The following ELMO1 variants were observed in gnomAD, a reference collection of about 807,000 sequenced individuals.
ELMO1 encodes engulfment and cell motility 1.
Under a neutral mutation model 98.9 loss-of-function variants are expected in ELMO1, and 26 were observed. The observed-to-expected ratio is 0.26, with a 90% confidence interval of 0.19 to 0.36. The LOEUF (loss-of-function observed/expected upper bound fraction) is 0.36, where lower values mean the gene tolerates loss of function less well. Ranked by LOEUF, ELMO1 falls within the 10% of genes least tolerant of loss-of-function variation. ELMO1 has a pLI of 1.00. For missense variants in ELMO1, 627 were observed against 935.2 expected, an observed-to-expected ratio of 0.67 and a Z score of 4.30; for synonymous variants, 346 against 346.0, an observed-to-expected ratio of 1.00 and a Z score of 0.00.
chr7:37,346,156 G>C (rs1372505714), intron 1 of ELMO1, among the ~76,000 whole-genome samples: 1 of 152,148 alleles, frequency 6.6e-6, no homozygotes, highest in Non-Finnish European at 1.5e-5. Context: ...GTAAGTGCAA[G>C]AACAGTAAGT....
chr7:37,292,439 T>C (rs1583472400), intron 4 of ELMO1, among the ~76,000 whole-genome samples: 1 of 49,758 alleles, frequency 2.0e-5, no homozygotes, highest in Non-Finnish European at 6.6e-5. Flanking sequence ...CCCCTCTGCC[T>C]GGCTGCCCAG....
intron 5 of ELMO1, among the ~76,000 whole-genome samples, chr7:37,264,335 A>G (rs1796139397): frequency 6.6e-6 from 1 of 152,244 alleles, no homozygotes; most frequent in Non-Finnish European, 1.5e-5. Context: ...ATGAATATAT[A>G]TACATTCATG....
At chr7:37,201,614 C>T (rs1792299597) in intron 13 of ELMO1, among the ~76,000 whole-genome samples, 1 of 152,182 alleles carries the variant, frequency 6.6e-6, no homozygotes, top group African/African-American at 2.4e-5. Context: ...TCTAAGGAGA[C>T]CCCAAGAACC....
At chr7:36,960,582 G>T (rs1053515016) in intron 16 of ELMO1, among the ~76,000 whole-genome samples, 1 of 151,948 alleles carries the variant, frequency 6.6e-6, no homozygotes, top group Non-Finnish European at 1.5e-5. Context: ...AAGCATGACT[G>T]AAGAAGCAGC....
intron 15 of ELMO1, among the ~76,000 whole-genome samples, chr7:37,023,431 T>A (rs183629183): frequency 1.3e-5 from 2 of 152,284 alleles, no homozygotes; most frequent in Admixed American, 1.3e-4. Context: ...AAATAGGGAT[T>A]GACATTTTAT....
At chr7:36,867,503 T>C (rs1803124748) in intron 20 of ELMO1, among the ~76,000 whole-genome samples, 1 of 152,154 alleles carries the variant, frequency 6.6e-6, no homozygotes, top group African/African-American at 2.4e-5. Flanking sequence ...CTGATTTCAG[T>C]TTCATTGATT....
chr7:37,334,445 T>A (rs150250919), intron 2 of ELMO1, among the ~76,000 whole-genome samples: 1,692 of 152,166 alleles, frequency 0.011, 36 homozygotes, highest in African/African-American at 0.038. Context: ...AAACTCCATC[T>A]CAACAACAAG....
intron 15 of ELMO1, among the ~76,000 whole-genome samples, chr7:37,084,819 T>G (rs1241476193): frequency 6.6e-6 from 1 of 151,826 alleles, no homozygotes; most frequent in Non-Finnish European, 1.5e-5. Context: ...TGCAGTGGCA[T>G]GATGTTGGCT....
At chr7:36,955,920 C>T (rs1168311994) in intron 16 of ELMO1, among the ~76,000 whole-genome samples, 2 of 152,166 alleles carry the variant, frequency 1.3e-5, no homozygotes, top group Non-Finnish European at 2.9e-5. Flanking sequence ...AAACTGTTCT[C>T]ACTTCTCTTT....
intron 15 of ELMO1, among the ~76,000 whole-genome samples, chr7:37,054,130 T>A (rs188567412): frequency 9.8e-5 from 15 of 152,354 alleles, no homozygotes; most frequent in African/African-American, 3.6e-4. Context: ...CAAGATACAC[T>A]ATATTTAGGA....
intron 4 of ELMO1, among the ~76,000 whole-genome samples, chr7:37,290,126 C>T (rs1031620517): frequency 2.0e-5 from 3 of 152,198 alleles, no homozygotes; most frequent in Admixed American, 6.5e-5. Context: ...GACTTACTCT[C>T]TGCCATGAAT....
rs924752081 is a variant in ELMO1 at position 37,349,448 on chromosome 7, C to CT, written c.-73-6686dup. The stretch of plus-strand genomic sequence containing the variant: ...TCTTCCTGGAGCCCTCTAGTCTTCA[C>CT]TTTTTTTTTCTTTTTCTTTTTTTGA... On this transcript the variant is annotated intron_variant, in intron 1 of 21. Transcript: ENST00000310758. Among the ~76,000 whole-genome samples the CT allele has an allele frequency of 6.9e-4, 104 of 151,696 alleles. 1 individual carries two copies. The highest frequency in any genetic ancestry group is 2.3e-3 in the African/African-American group (97 of 41,388).
chr7:37,292,792 G>C (rs1583474522), intron 4 of ELMO1, among the ~76,000 whole-genome samples: 1 of 105,408 alleles, frequency 9.5e-6, no homozygotes, highest in Non-Finnish European at 2.1e-5. Context: ...AGGGAGGTGG[G>C]GGGGTCAGCC....
chr7:37,091,927 C>A (rs547155035), intron 15 of ELMO1, among the ~76,000 whole-genome samples: 2 of 152,092 alleles, frequency 1.3e-5, no homozygotes, highest in African/African-American at 2.4e-5. Context: ...ACCACACTTA[C>A]GATTTGATTA....
In ELMO1 at chr7:36,905,110, C is replaced by G. The variant is rs146393329; in HGVS notation, c.1438-10093G>C. Among the ~76,000 whole-genome samples, 53 of 152,280 alleles carry G rather than the reference C, an allele frequency of 3.5e-4. No homozygotes were observed. In the Middle Eastern group the frequency reaches 0.014, roughly 39 times the overall value. On this transcript the variant is annotated intron_variant, in intron 16 of 21. Coordinates refer to ENST00000310758, the MANE Select transcript of ELMO1 (RefSeq NM_014800.11). ...TTGAGGAGACACGGTGGGGGAAAAG[C>G]AGAAAGAAATAGAGTTTCTTTTCTG...
rs967811557 is a variant in ELMO1 at position 37,436,769 on chromosome 7, T to C, written c.-74+11906A>G. On this transcript the variant is annotated intron_variant, in intron 1 of 21. Coordinates refer to ENST00000310758, the MANE Select transcript of ELMO1 (RefSeq NM_014800.11). ...GGAAATGGAAGCAGGTGGCTTCCAC[T>C]TAGGTGGCCATAAAATGAATTGTCC... 3.6e-4 allele frequency among the ~76,000 whole-genome samples: 55 copies of C among 152,196 alleles called. 1 individual carries two copies.
chr7:36,856,356 C>T (rs989172094), intron 21 of ELMO1, among the ~76,000 whole-genome samples: 7 of 152,208 alleles, frequency 4.6e-5, no homozygotes, highest in East Asian at 3.8e-4. Context: ...CAGTGTCTGG[C>T]AGCCAAAATG....
At chr7:36,860,372 T>C (rs1439695960) in intron 21 of ELMO1, among the ~76,000 whole-genome samples, 1 of 152,208 alleles carries the variant, frequency 6.6e-6, no homozygotes, top group Non-Finnish European at 1.5e-5. Context: ...ATGTCTGTAA[T>C]AGAACTTTCT....
chr7:36,867,411 T>C (rs1222492452), intron 20 of ELMO1, among the ~76,000 whole-genome samples: 4 of 152,190 alleles, frequency 2.6e-5, no homozygotes, highest in African/African-American at 9.7e-5. Context: ...TCTCATTTTT[T>C]TCTTGGTTAG....
Sources: allele counts gnomAD v4.1 joint callset (sites outside exome capture counted in the v4.1 genomes callset), GRCh38; gene constraint gnomAD v4.1.1; transcripts MANE v1.5; gene names NCBI Gene and HGNC (gene_info 2026-07-23, HGNC 2026-07-21).